NAALADL2: variants seen among roughly 807,000 people sequenced by gnomAD.
NAALADL2 encodes the protein inactive N-acetylated-alpha-linked acidic dipeptidase-like protein 2.
Under a neutral mutation model 87.2 loss-of-function variants are expected in NAALADL2, and 76 were observed. That is an observed-to-expected ratio of 0.87 (90% CI 0.72 to 1.05). The LOEUF is 1.05. Ranked by LOEUF, NAALADL2 falls within the 50% of genes least tolerant of loss-of-function variation. The probability of loss-of-function intolerance (pLI) is 0.00; values close to 1 mark genes in which losing one functional copy is unlikely to be tolerated. For missense variants in NAALADL2, 1,089 were observed against 945.8 expected (o/e 1.15, Z -1.99); for synonymous variants, 354 against 331.0 (o/e 1.07, Z -0.75).
chr3:174,880,605 G>A (rs950757645), intron 1 of NAALADL2, among the ~76,000 whole-genome samples: 1 of 151,936 alleles, frequency 6.6e-6, no homozygotes, highest in Non-Finnish European at 1.5e-5. Flanking sequence ...CATGACTGAG[G>A]TGCTTCTACT....
chr3:174,799,671 C>T (rs143173136), intron 3 of NAALADL2, among the ~76,000 whole-genome samples: 267 of 152,090 alleles, frequency 1.8e-3, no homozygotes, highest in African/African-American at 6.0e-3. Flanking sequence ...AGTGGAGTGC[C>T]GCAGAAAAGA....
At chr3:175,795,822 T>C (rs4894732) in intron 13 of NAALADL2, among the ~76,000 whole-genome samples, 31,184 of 151,904 alleles carry the variant, frequency 0.21, 4,174 homozygotes, top group African/African-American at 0.37. Flanking sequence ...AAAAAATAAC[T>C]ATTTTTTCTG....
At chr3:175,632,307 T>TCTCC (rs1463017555) in intron 11 of NAALADL2, among the ~76,000 whole-genome samples, 1 of 140,680 alleles carries the variant, frequency 7.1e-6, no homozygotes, top group Non-Finnish European at 1.5e-5. Context: ...TCTCTCTCTC[T>TCTCC]CTCCTACTCC....
intron 9 of NAALADL2, among the ~76,000 whole-genome samples, chr3:175,541,171 T>A (rs79223470): frequency 0.13 from 19,287 of 152,190 alleles, 1,568 homozygotes; most frequent in Non-Finnish European, 0.18. Flanking sequence ...TCACTCTTAA[T>A]CCCTTCACTC....
intron 11 of NAALADL2, among the ~76,000 whole-genome samples, chr3:175,655,206 T>C (rs1214215029): frequency 6.6e-6 from 1 of 152,182 alleles, no homozygotes; most frequent in Non-Finnish European, 1.5e-5. Context: ...TTTTACTTCT[T>C]ATTCTTATAA....
chr3:175,008,649 G>A (rs1005312227), intron 1 of NAALADL2, among the ~76,000 whole-genome samples: 1 of 152,090 alleles, frequency 6.6e-6, no homozygotes, highest in Non-Finnish European at 1.5e-5. Flanking sequence ...TCTTGCAGTG[G>A]TGGTGGCTTT....
chr3:174,498,893 C>G (rs1181530657), intron 1 of NAALADL2, among the ~76,000 whole-genome samples: 1 of 151,926 alleles, frequency 6.6e-6, no homozygotes, highest in East Asian at 1.9e-4. Flanking sequence ...AATTGTCCAC[C>G]CTTATCCTCA....
intron 1 of NAALADL2, among the ~76,000 whole-genome samples, chr3:174,983,355 G>A (rs1745385156): frequency 2.0e-5 from 3 of 152,194 alleles, no homozygotes; most frequent in South Asian, 4.1e-4. Flanking sequence ...ATTTATGGCA[G>A]GGGAAATATT....
chr3:175,505,682 G>A (rs887637296), intron 9 of NAALADL2, among the ~76,000 whole-genome samples: 1 of 152,078 alleles, frequency 6.6e-6, no homozygotes, highest in Non-Finnish European at 1.5e-5. Flanking sequence ...GCCTGGAAAA[G>A]ACAATAAAAA....
intron 1 of NAALADL2, among the ~76,000 whole-genome samples, chr3:175,002,171 CT>C (rs1334361755): frequency 6.6e-6 from 1 of 152,082 alleles, no homozygotes; most frequent in Non-Finnish European, 1.5e-5. Flanking sequence ...TGCTTATTCC[CT>C]GCTCTATGTG....
At chr3:175,145,423 G>C (rs1205038426) in intron 2 of NAALADL2, among the ~76,000 whole-genome samples, 1 of 152,096 alleles carries the variant, frequency 6.6e-6, no homozygotes, top group East Asian at 1.9e-4. Context: ...TAAGGACGTT[G>C]AACAGATTGC....
chr3:174,625,076 T>TTTTTTTTG (rs1721429439), intron 2 of NAALADL2, among the ~76,000 whole-genome samples: 1 of 147,650 alleles, frequency 6.8e-6, no homozygotes, highest in Non-Finnish European at 1.5e-5. Context: ...TTTTTTTTTT[T>TTTTTTTTG]GAGACAGGGT....
chr3:175,718,431 G>T, intron 11 of NAALADL2: 2 of 1,586,480 alleles, frequency 1.3e-6, no homozygotes, highest in South Asian at 1.1e-5. Context: ...CTTAAAAAGG[G>T]GGGTGCTTCT....
rs56713745 is a variant in NAALADL2, at chr3:175,044,655, G to A, written c.44-52135G>A. ...TAGTGTTCAACTATTGAAAACTAAT[G>A]AACAAACTGTAATACTACATTTATA... On this transcript the variant is annotated intron_variant, in intron 1 of 13. Coordinates refer to ENST00000454872, the MANE Select transcript of NAALADL2 (RefSeq NM_207015.3). Among the ~76,000 whole-genome samples, 457 of 152,174 alleles carry A rather than the reference G, an allele frequency of 3.0e-3. 3 individuals carry two copies. The highest frequency in any genetic ancestry group is 0.011 in the African/African-American group (439 of 41,538).
chr3:174,630,688 G>A (rs532217475), intron 2 of NAALADL2, among the ~76,000 whole-genome samples: 84 of 152,256 alleles, frequency 5.5e-4, no homozygotes, highest in African/African-American at 2.0e-3. Flanking sequence ...CACTTCAACA[G>A]CTTCGTCTAT....
At chr3:175,157,637 C>T (rs1219733656) in intron 2 of NAALADL2, among the ~76,000 whole-genome samples, 6 of 152,098 alleles carry the variant, frequency 3.9e-5, no homozygotes, top group South Asian at 2.1e-4. Flanking sequence ...GATCAGCCTG[C>T]TGTCACTTAC....
chr3:174,961,055 T>TA (rs1741911553), intron 1 of NAALADL2, among the ~76,000 whole-genome samples: 2 of 147,728 alleles, frequency 1.4e-5, no homozygotes, highest in Non-Finnish European at 3.0e-5. Context: ...TATATATATA[T>TA]TAAATATATC....
intron 5 of NAALADL2, among the ~76,000 whole-genome samples, chr3:175,399,435 G>C (rs1770272167): frequency 6.6e-6 from 1 of 152,100 alleles, no homozygotes; most frequent in South Asian, 2.1e-4. Context: ...CTACTCCATA[G>C]ACAGATCAGC....
chr3:174,616,657 T>G (rs1001309154), intron 2 of NAALADL2, among the ~76,000 whole-genome samples: 1 of 151,946 alleles, frequency 6.6e-6, no homozygotes, highest in African/African-American at 2.4e-5. Context: ...TGAGTTTTCT[T>G]ATCTACTGTA....
Sources: gnomAD v4.1 joint callset for allele counts (sites outside exome capture counted in the v4.1 genomes callset) on GRCh38, gnomAD v4.1.1 for gene constraint, MANE v1.5 for transcripts, NCBI Gene and HGNC (gene_info 2026-07-23, HGNC 2026-07-21) for gene names.